Variants in MOV10L1 observed in about 807,000 individuals in gnomAD.
MOV10L1 encodes Mov10 like RNA helicase 1, also known as RNA helicase Mov10l1.
Under a neutral mutation model 143.8 loss-of-function variants are expected in MOV10L1, and 110 were observed. The ratio of observed to expected loss-of-function variants is 0.76; its 90% CI spans 0.66 to 0.90. The LOEUF (loss-of-function observed/expected upper bound fraction) is 0.90. Ranked by LOEUF, MOV10L1 falls within the 40% of genes least tolerant of loss-of-function variation. The pLI is 0.00. For synonymous variants in MOV10L1, 593 were observed against 581.1 expected (o/e 1.02, Z -0.29); for missense variants, 1,406 against 1,526.8 (o/e 0.92, Z 1.32).
intron 3 of MOV10L1, among the ~76,000 whole-genome samples, chr22:50,102,226 A>T (rs2147065834): frequency 6.6e-6 from 1 of 152,360 alleles, no homozygotes; most frequent in Admixed American, 6.5e-5. Flanking sequence ...CCACAGCAAA[A>T]GAACTTTTTT....
Position 50,121,578 on chromosome 22 carries a change from A to G in MOV10L1, c.1569+962A>G, listed in dbSNP as rs114287232. Reference sequence around the variant, plus strand: ...ATAGAAACAAGTTCAGATGTGTTTTACTCACAGATCCTGGGCAGGGAGGTT... The same window carrying G: ...ATAGAAACAAGTTCAGATGTGTTTTGCTCACAGATCCTGGGCAGGGAGGTT... On this transcript the variant is annotated intron_variant, in intron 10 of 26. Coordinates refer to ENST00000262794, the MANE Select transcript of MOV10L1 (RefSeq NM_018995.3). Among the ~76,000 whole-genome samples the G allele has an allele frequency of 3.5e-3, 535 of 152,306 alleles. 4 individuals carry two copies. Among genetic ancestry groups the G allele is most frequent in the African/African-American group, 0.012 (494 of 41,558 alleles).
rs1391923407 is a variant in MOV10L1, at chr22:50,149,645, C to A, written c.2658C>A (p.Asp886Glu). The A allele has an allele frequency of 6.2e-7, 1 of 1,614,018 alleles. No individual in the cohort carries two copies. Among genetic ancestry groups the A allele is most frequent in the Non-Finnish European group, 8.5e-7 (1 of 1,180,004 alleles). ...GGCACTTCACTCACGTGTTTGTGGACGAGGCTGGGCAGGCAAGTGAGCCGG... is the reference window on the plus strand; with the variant it reads ...GGCACTTCACTCACGTGTTTGTGGAAGAGGCTGGGCAGGCAAGTGAGCCGG... ...RVGHFTHVFV[D>E]EAGQASEPEC... The change falls in exon 20 of 27, where the codon GAC (aspartate) becomes GAA (glutamate). Residue 886 changes from aspartate to glutamate, a missense_variant. This residue lies in a region of MOV10L1 where 1,233 missense variants were observed against 1,351.4 expected (regional missense o/e 0.91). Coordinates refer to ENST00000262794, the MANE Select transcript of MOV10L1 (RefSeq NM_018995.3).
At chr22:50,127,072 C>T (rs747781186) in intron 12 of MOV10L1, among the ~76,000 whole-genome samples, 2 of 152,094 alleles carry the variant, frequency 1.3e-5, no homozygotes, top group Non-Finnish European at 2.9e-5. Context: ...AGATGTGAGA[C>T]ACGAGTGACA....
chr22:50,125,521 G>T lies in MOV10L1; in HGVS notation c.1699G>T (p.Val567Phe). ...IILRRNGDLLVLEVPGLAEGR... is the reference protein window; with the variant it reads ...IILRRNGDLLFLEVPGLAEGR... Reference sequence around the variant, plus strand: ...CTTAAGAAGGAATGGGGATCTGCTGGTTCTGGAGGTCCCAGGGTTGGCCGA... The same window carrying T: ...CTTAAGAAGGAATGGGGATCTGCTGTTTCTGGAGGTCCCAGGGTTGGCCGA... The change falls in exon 11 of 27, where the codon GTT becomes TTT. Residue 567 changes from valine to phenylalanine, a missense_variant. Physicochemically the swap from Val to Phe is conservative, Grantham distance 50. Transcript: ENST00000262794. The T allele has an allele frequency of 6.2e-7, 1 of 1,614,226 alleles. No individual in the cohort carries two copies.
chr22:50,105,936 G>T (rs773368558), intron 3 of MOV10L1, among the ~76,000 whole-genome samples: 2 of 152,180 alleles, frequency 1.3e-5, no homozygotes, highest in Non-Finnish European at 2.9e-5. Flanking sequence ...TCACGTGTGC[G>T]CTATAGCCAT....
At chr22:50,134,991 G>T (rs1220987924) in intron 15 of MOV10L1, among the ~76,000 whole-genome samples, 1 of 151,936 alleles carries the variant, frequency 6.6e-6, no homozygotes, top group East Asian at 1.9e-4. Flanking sequence ...CTTAGAGTTG[G>T]GTTTTTTCTT....
chr22:50,144,012 G>A (rs968694967), intron 17 of MOV10L1, 85 bp from the exon 18 acceptor site: 36 of 1,527,434 alleles, frequency 2.4e-5, no homozygotes, highest in Middle Eastern at 1.7e-4. Context: ...CCCTGCACCC[G>A]AATGTGTGTG....
chr22:50,095,216 T>C (rs2055772683), intron 2 of MOV10L1: 1 of 152,214 alleles, frequency 6.6e-6, no homozygotes, highest in African/African-American at 2.4e-5. Flanking sequence ...TGCACTTTCA[T>C]GCTGCAGACC....
intron 19 of MOV10L1, 81 bp from the exon 20 acceptor site, chr22:50,149,534 C>A: frequency 7.2e-7 from 1 of 1,388,414 alleles, no homozygotes. Context: ...GGGTGCTGAG[C>A]GTGGCTTTGC....
intron 2 of MOV10L1, among the ~76,000 whole-genome samples, chr22:50,097,719 C>G (rs2062624919): frequency 6.6e-6 from 1 of 152,198 alleles, no homozygotes; most frequent in South Asian, 2.1e-4. Context: ...CTTTTCAAGA[C>G]CATTTTGCCT....
intron 11 of MOV10L1, among the ~76,000 whole-genome samples, chr22:50,125,990 C>T (rs9617088): frequency 0.22 from 33,723 of 150,550 alleles, 4,175 homozygotes; most frequent in Admixed American, 0.35. Context: ...GATGAGGTTT[C>T]GCCGTGTTAG....
intron 2 of MOV10L1, among the ~76,000 whole-genome samples, chr22:50,098,527 A>G (rs2062654756): frequency 6.6e-6 from 1 of 151,836 alleles, no homozygotes; most frequent in South Asian, 2.1e-4. Flanking sequence ...ATTTTTCTTG[A>G]TTTCCTTTTT....
chr22:50,116,755 T>C (rs2062190909), intron 8 of MOV10L1, among the ~76,000 whole-genome samples: 1 of 134,372 alleles, frequency 7.4e-6, no homozygotes, highest in South Asian at 2.7e-4. Context: ...AGCCTCCACC[T>C]CCCTAGGCTC....
At chr22:50,154,624 T>C (rs916931123) in intron 22 of MOV10L1, among the ~76,000 whole-genome samples, 1 of 152,180 alleles carries the variant, frequency 6.6e-6, no homozygotes, top group Non-Finnish European at 1.5e-5. Context: ...TCAGCAGCTC[T>C]GTGTCCTGGC....
intron 13 of MOV10L1, among the ~76,000 whole-genome samples, chr22:50,129,610 G>A (rs575329480): frequency 6.6e-6 from 1 of 152,272 alleles, no homozygotes; most frequent in East Asian, 1.9e-4. Flanking sequence ...GCTGGGTTTG[G>A]GGTTTTTCCA....
chr22:50,122,495 CAG>C (rs1270236670), intron 10 of MOV10L1, among the ~76,000 whole-genome samples: 1 of 152,166 alleles, frequency 6.6e-6, no homozygotes, highest in Non-Finnish European at 1.5e-5. Context: ...CATCTGCAAA[CAG>C]ATAATTTTAT....
At position 50,144,817 on chromosome 22, in the gene MOV10L1, A is replaced by C. The variant is rs138264; in HGVS notation, c.2505+574A>C. ...AGGATGGTCTCGATCTCCTGACCTC[A>C]TGATCTGCCCGCCTCGGCCTCCCAA... On this transcript the variant is annotated intron_variant, in intron 18 of 26. Transcript: ENST00000262794. Among the ~76,000 whole-genome samples, 11 of 151,240 alleles carry C rather than the reference A, an allele frequency of 7.3e-5. No homozygotes were observed. In the South Asian group the frequency reaches 1.9e-3, roughly 26 times the overall value.
At position 50,108,771 on chromosome 22, in the gene MOV10L1, A is replaced by G. The variant is rs778949677; in HGVS notation, c.670A>G (p.Asn224Asp). ...GYTPRRGDVV[N>D]AVVVESSQSC... Reference sequence around the variant, plus strand: ...CACACCCCGGAGAGGTGACGTGGTCAATGCAGTGGTGGTGGAGAGCAGCCA... The same window carrying G: ...CACACCCCGGAGAGGTGACGTGGTCGATGCAGTGGTGGTGGAGAGCAGCCA... The change falls in exon 5 of 27, where the codon AAT becomes GAT. Residue 224 changes from asparagine (N) to aspartate (D), a missense_variant. Physicochemically the swap from Asn to Asp is conservative, Grantham distance 23. Coordinates refer to ENST00000262794, the MANE Select transcript of MOV10L1 (RefSeq NM_018995.3). 21 of 1,614,094 alleles carry G rather than the reference A, an allele frequency of 1.3e-5. No homozygotes were observed. In the Admixed American group the frequency reaches 1.3e-4, roughly 10 times the overall value.
At position 50,150,728 on chromosome 22, in the gene MOV10L1, T is replaced by G; in HGVS notation, c.2728-7T>G. 6.2e-7 allele frequency: 1 copy of G among 1,613,364 alleles called. No homozygotes were observed. The highest frequency in any genetic ancestry group is 8.5e-7 in the Non-Finnish European group (1 of 1,179,730). ...TGCATGAGCTGAGACGGGCCCTCTG[T>G]GTGCAGATCGTGCTGGCAGGAGACC... is the stretch of plus-strand genomic sequence containing the variant. On this transcript the variant is annotated splice_polypyrimidine_tract_variant and splice_region_variant and intron_variant, in intron 20 of 26. Coordinates refer to ENST00000262794, the MANE Select transcript of MOV10L1 (RefSeq NM_018995.3).
Sources: allele counts gnomAD v4.1 joint callset (sites outside exome capture counted in the v4.1 genomes callset), GRCh38; gene constraint gnomAD v4.1.1; regional missense constraint gnomAD v4.1.1; transcripts MANE v1.5; gene names NCBI Gene and HGNC (gene_info 2026-07-23, HGNC 2026-07-21).